Variants in GABRB3 observed in about 807,000 individuals in gnomAD.
GABRB3 encodes the protein gamma-aminobutyric acid type A receptor subunit beta3, also known as gamma-aminobutyric acid receptor subunit beta-3.
Under a neutral mutation model 52.1 loss-of-function variants are expected in GABRB3, and 14 were observed. That is an observed-to-expected ratio of 0.27 (90% CI 0.18 to 0.42). The LOEUF is 0.42. Ranked by LOEUF, GABRB3 falls within the 10% of genes least tolerant of loss-of-function variation. GABRB3 has a pLI of 1.00. For synonymous variants in GABRB3, 260 were observed against 232.3 expected (o/e 1.12, Z -1.08); for missense variants, 307 against 609.1 (o/e 0.50, Z 5.22).
At chr15:26,723,017 C>T (rs547788897) in intron 3 of GABRB3, among the ~76,000 whole-genome samples, 51 of 152,310 alleles carry the variant, frequency 3.3e-4, no homozygotes, top group African/African-American at 1.2e-3. Flanking sequence ...TTAAGACATT[C>T]AGAGTAGCTT....
At chr15:26,665,336 T>C (rs1476345026) in intron 3 of GABRB3, among the ~76,000 whole-genome samples, 1 of 152,170 alleles carries the variant, frequency 6.6e-6, no homozygotes, top group Non-Finnish European at 1.5e-5. Context: ...TAGAATTAAA[T>C]ACTCTCATTT....
At chr15:26,773,738 C>T (rs1406736448), upstream of GABRB3, 39 of 1,555,812 alleles carry the variant, frequency 2.5e-5, no homozygotes, top group Non-Finnish European at 3.4e-5. Flanking sequence ...GCTGTTCCTC[C>T]GGCCTAACCT....
chr15:26,607,996 A>G (rs1387413118), intron 4 of GABRB3, among the ~76,000 whole-genome samples: 1 of 152,000 alleles, frequency 6.6e-6, no homozygotes, highest in East Asian at 1.9e-4. Flanking sequence ...AAAAAACCCA[A>G]AATAGCTAAA....
intron 3 of GABRB3, among the ~76,000 whole-genome samples, chr15:26,702,345 A>G (rs1888964596): frequency 6.6e-6 from 1 of 152,372 alleles, no homozygotes; most frequent in South Asian, 2.1e-4. Context: ...GCTTACATCC[A>G]ATTATGTAAG....
At chr15:26,579,446 G>A (rs2140728176) in intron 6 of GABRB3, among the ~76,000 whole-genome samples, 1 of 152,320 alleles carries the variant, frequency 6.6e-6, no homozygotes, top group East Asian at 1.9e-4. Flanking sequence ...TGAAGGCGAA[G>A]CTGGTGGCCA....
At chr15:26,763,605 G>A (rs370176627) in intron 3 of GABRB3, among the ~76,000 whole-genome samples, 4 of 29,582 alleles carry the variant, frequency 1.4e-4, no homozygotes, top group Non-Finnish European at 2.5e-4. Context: ...GGTCTGCATA[G>A]ATACACACAC....
At chr15:26,675,065 T>G (rs958111233) in intron 3 of GABRB3, among the ~76,000 whole-genome samples, 1 of 152,128 alleles carries the variant, frequency 6.6e-6, no homozygotes, top group African/African-American at 2.4e-5. Flanking sequence ...AATAATTACT[T>G]GTGGTTTCAA....
intron 4 of GABRB3, chr15:26,612,767 T>G (rs1317134201): frequency 6.6e-6 from 1 of 152,216 alleles, no homozygotes; most frequent in Non-Finnish European, 1.5e-5. Flanking sequence ...ATTCTAAAGT[T>G]AATGTGGAAG....
intron 5 of GABRB3, 83 bp from the exon 6 acceptor site, chr15:26,580,539 G>T: frequency 1.3e-6 from 2 of 1,562,324 alleles, no homozygotes; most frequent in Non-Finnish European, 1.8e-6. Flanking sequence ...TAACATGGAG[G>T]TTGCGGCTCT....
At chr15:26,661,530 C>T (rs1887551221) in intron 3 of GABRB3, among the ~76,000 whole-genome samples, 1 of 152,186 alleles carries the variant, frequency 6.6e-6, no homozygotes, top group Admixed American at 6.5e-5. Flanking sequence ...AGCCAGGGAA[C>T]ATTTACAAGG....
In GABRB3 at chr15:26,554,288, C is replaced by T. The variant is rs142604830; in HGVS notation, c.1081-6154G>A. Reference sequence around the variant, plus strand: ...AAGTGATCCTCCCGCCTCCAACTCCCAAAGTGCTGGGATTACAGGCTTGAG... The same window carrying T: ...AAGTGATCCTCCCGCCTCCAACTCCTAAAGTGCTGGGATTACAGGCTTGAG... On this transcript the variant is annotated intron_variant, in intron 8 of 8. Coordinates refer to ENST00000311550, the MANE Select transcript of GABRB3 (RefSeq NM_000814.6). Among the ~76,000 whole-genome samples the T allele has an allele frequency of 6.6e-3, 963 of 145,916 alleles. 14 individuals are homozygous for T. The highest frequency in any genetic ancestry group is 0.023 in the African/African-American group (921 of 39,572).
intron 3 of GABRB3, among the ~76,000 whole-genome samples, chr15:26,731,820 T>C (rs553596735): frequency 6.6e-6 from 1 of 152,286 alleles, no homozygotes; most frequent in South Asian, 2.1e-4. Flanking sequence ...TTTAAAAAGA[T>C]AACAAAACAA....
At chr15:26,668,447 C>G (rs1887783691) in intron 3 of GABRB3, among the ~76,000 whole-genome samples, 1 of 152,204 alleles carries the variant, frequency 6.6e-6, no homozygotes, top group South Asian at 2.1e-4. Context: ...TAGGGCCGAA[C>G]TGACTCAGTC....
intron 3 of GABRB3, among the ~76,000 whole-genome samples, chr15:26,733,318 AG>A (rs1889983753): frequency 6.6e-6 from 1 of 152,196 alleles, no homozygotes. Context: ...GCCAAGTAGC[AG>A]GATACAAAGT....
chr15:26,764,655 G>T (rs1258501709), intron 3 of GABRB3, among the ~76,000 whole-genome samples: 1 of 152,108 alleles, frequency 6.6e-6, no homozygotes, highest in African/African-American at 2.4e-5. Context: ...ATCGCCAAGA[G>T]ACCTATCTTA....
chr15:26,598,645 G>A (rs1338574311), intron 4 of GABRB3, among the ~76,000 whole-genome samples: 1 of 152,108 alleles, frequency 6.6e-6, no homozygotes, highest in Non-Finnish European at 1.5e-5. Context: ...TATTCTACAT[G>A]GGGAAAAGAA....
At chr15:26,586,300 T>G (rs183324888) in intron 4 of GABRB3, among the ~76,000 whole-genome samples, 51 of 151,704 alleles carry the variant, frequency 3.4e-4, no homozygotes, top group African/African-American at 1.2e-3. Flanking sequence ...CCTGGCTTAA[T>G]TTTCTTATAT....
chr15:26,548,089 T>A lies in GABRB3; in HGVS notation c.1126A>T (p.Asn376Tyr). 1 of 1,614,190 alleles carries A rather than the reference T, an allele frequency of 6.2e-7. No homozygotes were observed. Among genetic ancestry groups the A allele is most frequent in the African/African-American group, 1.3e-5 (1 of 75,032 alleles). The stretch of plus-strand genomic sequence containing the variant: ...CCGCCTGAGACCTCATTCATTTCAT[T>A]GTGAACTTCCAGCGATGTCAACAGA... Reference protein sequence around the residue: ...NILLTSLEVHNEMNEVSGGIG... With the variant: ...NILLTSLEVHYEMNEVSGGIG... Residue 376 changes from asparagine (N) to tyrosine (Y), a missense_variant, in exon 9 of 9, where the codon AAT (asparagine) becomes TAT (tyrosine). Physicochemically the swap from Asn to Tyr is moderately radical, Grantham distance 143. This residue lies in a region of GABRB3 where 115 missense variants were observed against 166.9 expected (regional missense o/e 0.69). Coordinates refer to ENST00000311550, the MANE Select transcript of GABRB3 (RefSeq NM_000814.6).
intron 3 of GABRB3, among the ~76,000 whole-genome samples, chr15:26,748,124 A>G (rs558216216): frequency 6.6e-6 from 1 of 151,958 alleles, no homozygotes; most frequent in East Asian, 1.9e-4. Context: ...TGATTTGCCC[A>G]TATTTTGTTC....
Sources: gnomAD v4.1 joint callset for allele counts (sites outside exome capture counted in the v4.1 genomes callset) on GRCh38, gnomAD v4.1.1 for gene constraint, gnomAD v4.1.1 regional missense constraint, MANE v1.5 for transcripts, NCBI Gene and HGNC (gene_info 2026-07-23, HGNC 2026-07-21) for gene names.